The following AAGAB variants were observed in gnomAD, a reference collection of about 807,000 sequenced individuals.
AAGAB encodes the protein alpha- and gamma-adaptin-binding protein p34.
AAGAB carries 38 observed loss-of-function variants against 44.1 expected under a neutral mutation model. The ratio of observed to expected loss-of-function variants is 0.86; its 90% CI spans 0.67 to 1.13. The LOEUF is 1.13. Ranked by LOEUF, AAGAB falls within the 50% of genes most tolerant of loss-of-function variation. The pLI is 0.00. For missense variants in AAGAB, 450 were observed against 373.8 expected, an observed-to-expected ratio of 1.20 and a Z score of -1.68; for synonymous variants, 131 against 131.8, an observed-to-expected ratio of 0.99 and a Z score of 0.04.
intron 1 of AAGAB, among the ~76,000 whole-genome samples, chr15:67,246,835 G>T (rs553807895): frequency 1.3e-5 from 2 of 152,164 alleles, no homozygotes; most frequent in Non-Finnish European, 2.9e-5. Flanking sequence ...GCACCAATCA[G>T]CATTCTGTAA....
At chr15:67,240,385 C>T (rs1039828336) in intron 1 of AAGAB, among the ~76,000 whole-genome samples, 2 of 152,146 alleles carry the variant, frequency 1.3e-5, no homozygotes, top group African/African-American at 4.8e-5. Flanking sequence ...TCAAGAGCAG[C>T]TTTCCCCTCC....
intron 1 of AAGAB, among the ~76,000 whole-genome samples, chr15:67,238,755 G>A (rs1381212794): frequency 6.6e-6 from 1 of 150,952 alleles, no homozygotes; most frequent in Non-Finnish European, 1.5e-5. Context: ...GAGTGCAGTG[G>A]CGTGATCTCG....
chr15:67,254,917 C>T (rs140241627), upstream of AAGAB: 1,051 of 1,613,884 alleles, frequency 6.5e-4, 1 homozygote, highest in Non-Finnish European at 5.9e-4. Context: ...ACACTGAAAA[C>T]CACGACCCTG....
intron 5 of AAGAB, among the ~76,000 whole-genome samples, chr15:67,210,543 C>T (rs1963793819): frequency 6.6e-6 from 1 of 151,490 alleles, no homozygotes; most frequent in African/African-American, 2.4e-5. Context: ...AAGAAAAAAA[C>T]TCTAATTCAG....
intron 5 of AAGAB, among the ~76,000 whole-genome samples, chr15:67,228,696 T>G (rs1004410828): frequency 6.6e-6 from 1 of 152,184 alleles, no homozygotes; most frequent in Non-Finnish European, 1.5e-5. Context: ...ACAGCACTAT[T>G]CACAATAGCA....
intron 7 of AAGAB, among the ~76,000 whole-genome samples, chr15:67,207,490 C>A (rs1963713020): frequency 6.6e-6 from 1 of 152,206 alleles, no homozygotes; most frequent in African/African-American, 2.4e-5. Flanking sequence ...TTTCCTCTGG[C>A]AGTGAGAAAC....
chr15:67,240,753 A>G (rs771781713), intron 1 of AAGAB, among the ~76,000 whole-genome samples: 4 of 152,224 alleles, frequency 2.6e-5, no homozygotes, highest in Non-Finnish European at 5.9e-5. Flanking sequence ...GTTACAGGAA[A>G]TAAGATTCAA....
At chr15:67,218,149 A>C (rs1168334367) in intron 5 of AAGAB, among the ~76,000 whole-genome samples, 1 of 152,228 alleles carries the variant, frequency 6.6e-6, no homozygotes, top group Non-Finnish European at 1.5e-5. Flanking sequence ...CTGGGGGATC[A>C]AAGTCACAAC....
intron 5 of AAGAB, among the ~76,000 whole-genome samples, chr15:67,228,982 G>A (rs898827584): frequency 6.6e-6 from 1 of 152,144 alleles, no homozygotes; most frequent in Admixed American, 6.5e-5. Context: ...CTTACTTGAG[G>A]GGAGACAGTA....
In AAGAB at chr15:67,203,605, G is replaced by A; in HGVS notation, c.821-8C>T. On this transcript the variant is annotated splice_polypyrimidine_tract_variant and splice_region_variant and intron_variant, in intron 8 of 9. Transcript: ENST00000261880. ...GAAGCGTCGCAGCCTTGTCTAGGGG[G>A]AAAATATATCTTAAGAAATTTGTCT... 6.2e-7 allele frequency: 1 copy of A among 1,612,754 alleles called. No homozygotes were observed. The highest frequency in any genetic ancestry group is 8.5e-7 in the Non-Finnish European group (1 of 1,179,508).
intron 1 of AAGAB, among the ~76,000 whole-genome samples, chr15:67,251,217 T>TGC (rs1448491656): frequency 7.0e-6 from 1 of 143,770 alleles, no homozygotes. Context: ...TTTAAGTGCG[T>TGC]GTGTGTGTGT....
intron 1 of AAGAB, among the ~76,000 whole-genome samples, chr15:67,250,361 G>A (rs1964833415): frequency 1.3e-5 from 2 of 152,094 alleles, no homozygotes; most frequent in South Asian, 4.1e-4. Context: ...ATTTTTAGTA[G>A]AGACGGGGTT....
intron 1 of AAGAB, among the ~76,000 whole-genome samples, chr15:67,245,060 T>C (rs1259748520): frequency 1.3e-5 from 2 of 152,166 alleles, no homozygotes; most frequent in African/African-American, 4.8e-5. Context: ...CTTATGGGAA[T>C]ATAAAATGGT....
intron 5 of AAGAB, among the ~76,000 whole-genome samples, chr15:67,230,560 G>A (rs1394128859): frequency 6.6e-6 from 1 of 152,120 alleles, no homozygotes; most frequent in Non-Finnish European, 1.5e-5. Context: ...ATCCTTCCCC[G>A]GCACCTTCAG....
chr15:67,247,186 A>C (rs749066951), intron 1 of AAGAB, among the ~76,000 whole-genome samples: 8 of 152,132 alleles, frequency 5.3e-5, no homozygotes, highest in Non-Finnish European at 1.0e-4. Context: ...CCACGAACCC[A>C]CCAGAAGGAA....
At chr15:67,253,665 G>A (rs1964961102) in intron 1 of AAGAB, among the ~76,000 whole-genome samples, 1 of 151,910 alleles carries the variant, frequency 6.6e-6, no homozygotes, top group South Asian at 2.1e-4. Flanking sequence ...GAGGCAGGAG[G>A]ATCGCTTGAG....
At chr15:67,252,529 C>A (rs1324292077) in intron 1 of AAGAB, among the ~76,000 whole-genome samples, 1 of 152,060 alleles carries the variant, frequency 6.6e-6, no homozygotes, top group African/African-American at 2.4e-5. Flanking sequence ...GAAAAAAAGA[C>A]TGGAAAGAAA....
intron 5 of AAGAB, among the ~76,000 whole-genome samples, chr15:67,211,118 C>T (rs1419640107): frequency 6.6e-6 from 1 of 152,180 alleles, no homozygotes; most frequent in African/African-American, 2.4e-5. Context: ...GGGATGAAGC[C>T]TCAAATGTGG....
chr15:67,245,356 A>G (rs984121069), intron 1 of AAGAB, among the ~76,000 whole-genome samples: 2 of 152,262 alleles, frequency 1.3e-5, no homozygotes, highest in African/African-American at 4.8e-5. Context: ...CAAAAACATT[A>G]TGCTACGTGA....
Sources: gnomAD v4.1 joint callset for allele counts (sites outside exome capture counted in the v4.1 genomes callset) on GRCh38, gnomAD v4.1.1 for gene constraint, MANE v1.5 for transcripts, NCBI Gene and HGNC (gene_info 2026-07-23, HGNC 2026-07-21) for gene names.